ODR4: variants seen among roughly 807,000 people sequenced by gnomAD.
ODR4 encodes odr-4 GPCR localization factor homolog, also known as protein odr-4 homolog.
ODR4 carries 47 observed loss-of-function variants against 60.2 expected under a neutral mutation model. That is an observed-to-expected ratio of 0.78 (90% CI 0.62 to 1.00). The LOEUF is 1.00. Among genes scored for constraint, ODR4 ranks in the 50% least tolerant of loss-of-function variants. ODR4 has a pLI of 0.00. For synonymous variants in ODR4, 178 were observed against 175.5 expected (o/e 1.01, Z -0.11); for missense variants, 488 against 530.8 (o/e 0.92, Z 0.79).
chr1:186,398,023 A>G (rs1450138152), intron 9 of ODR4, among the ~76,000 whole-genome samples: 1 of 152,190 alleles, frequency 6.6e-6, no homozygotes, highest in Non-Finnish European at 1.5e-5. Context: ...CAAATAATAT[A>G]TTTTTAGGAG....
At chr1:186,430,859 T>C in the ODR4 span, among the ~76,000 whole-genome samples, 2 of 57,726 alleles carry the variant, frequency 3.5e-5, no homozygotes, top group Admixed American at 2.5e-4. Context: ...CCTCCCTCCC[T>C]TTTTTTTTTT....
At chr1:186,399,359 T>C in intron 11 of ODR4, 1 of 362,358 alleles carries the variant, frequency 2.8e-6, no homozygotes, top group East Asian at 6.9e-5. Context: ...GCACATGCCA[T>C]GATGCCTTGC....
chr1:186,378,314 C>G (rs1038598225), intron 1 of ODR4, among the ~76,000 whole-genome samples: 23 of 152,108 alleles, frequency 1.5e-4, no homozygotes, highest in Admixed American at 1.5e-3. Context: ...GATGATGATT[C>G]CTAAATTGCA....
intron 7 of ODR4, among the ~76,000 whole-genome samples, chr1:186,391,467 A>G (rs1043757998): frequency 2.0e-5 from 3 of 151,832 alleles, no homozygotes; most frequent in Non-Finnish European, 4.4e-5. Context: ...TCTGTGACAT[A>G]AATGTTATTC....
chr1:186,408,988 T>A (rs1321420149), intron 12 of ODR4, among the ~76,000 whole-genome samples: 1 of 149,252 alleles, frequency 6.7e-6, no homozygotes, highest in Admixed American at 6.9e-5. Flanking sequence ...TTCAGTTCTT[T>A]TTAAGTTAAT....
Position 186,399,018 on chromosome 1 carries a change from T to C in ODR4, c.974T>C (p.Leu325Pro), listed in dbSNP as rs1168377174. 1.9e-6 allele frequency: 3 copies of C among 1,612,470 alleles called. No homozygotes were observed. The African/African-American group carries it at 4.0e-5, about 22-fold the overall frequency. The change falls in exon 11 of 14, where the codon CTT (leucine) becomes CCT (proline). Residue 325 changes from leucine to proline, a missense_variant. Leu to Pro is a moderately conservative substitution (Grantham distance 98). Transcript: ENST00000287859. The part of the protein sequence containing the change: ...DRCEMLFEDL[L>P]LNEIPEKKDS... ...TGTGAAATGCTATTTGAGGATCTGC[T>C]TTTGAATGAAATTCCAGAAAAAAAA...
the ODR4 span, among the ~76,000 whole-genome samples, chr1:186,430,510 C>G: frequency 6.6e-6 from 1 of 152,070 alleles, no homozygotes; most frequent in Admixed American, 6.5e-5. Context: ...GTTGTAGAAA[C>G]ACCAGATGCC....
intron 12 of ODR4, among the ~76,000 whole-genome samples, chr1:186,409,798 C>T (rs1425416382): frequency 1.3e-5 from 2 of 152,146 alleles, no homozygotes; most frequent in Non-Finnish European, 2.9e-5. Context: ...CCTGCCTCAG[C>T]CTCCCAAAGT....
intron 7 of ODR4, 141 bp downstream of exon 7, chr1:186,390,992 CA>C: frequency 1.1e-6 from 1 of 889,234 alleles, no homozygotes; most frequent in Non-Finnish European, 1.6e-6. Flanking sequence ...CTTATTACCG[CA>C]GCCAAATTAG....
At chr1:186,405,498 C>T (rs1453106978) in intron 11 of ODR4, among the ~76,000 whole-genome samples, 2 of 152,002 alleles carry the variant, frequency 1.3e-5, no homozygotes, top group African/African-American at 2.4e-5. Flanking sequence ...GACAGTGGGT[C>T]GTATAAGAAT....
the ODR4 span, among the ~76,000 whole-genome samples, chr1:186,427,721 A>G: frequency 1.3e-5 from 2 of 152,242 alleles, no homozygotes; most frequent in African/African-American, 4.8e-5. Context: ...AGGAATCACT[A>G]TCTTTGGCAG....
intron 3 of ODR4, among the ~76,000 whole-genome samples, chr1:186,383,683 A>G (rs1255100061): frequency 1.3e-5 from 2 of 150,570 alleles, no homozygotes; most frequent in Admixed American, 6.6e-5. Flanking sequence ...ATGTAGATAT[A>G]TATATATATA....
intron 3 of ODR4, 40 bp from the exon 4 acceptor site, chr1:186,385,948 A>G (rs958899577): frequency 3.1e-6 from 4 of 1,308,634 alleles, no homozygotes; most frequent in African/African-American, 1.5e-5. Context: ...GATTGCATAT[A>G]ATGCCAATTT....
chr1:186,416,157 G>T (rs1281152016), intron 12 of ODR4, among the ~76,000 whole-genome samples: 1 of 152,072 alleles, frequency 6.6e-6, no homozygotes, highest in Non-Finnish European at 1.5e-5. Flanking sequence ...TGAGCCAGAG[G>T]CCCATGTACT....
Position 186,419,438 on chromosome 1 carries a change from T to C in ODR4, c.*362T>C. The C allele has an allele frequency of 4.3e-6, 1 of 234,624 alleles. No individual in the cohort carries two copies. Among genetic ancestry groups the C allele is most frequent in the Non-Finnish European group, 8.5e-6 (1 of 117,932 alleles). The allele number at this position is 234,624 out of a possible 1,614,324, so 14.5% of individuals were successfully genotyped here. Reference sequence around the variant, plus strand: ...ATTAAAAACTTTAACAGAGGCATGATGGCTCACACGTATAATCCTAATGCT... The same window carrying C: ...ATTAAAAACTTTAACAGAGGCATGACGGCTCACACGTATAATCCTAATGCT... On this transcript the variant is annotated 3_prime_UTR_variant, in exon 14 of 14. Transcript: ENST00000287859.
chr1:186,401,331 C>A, intron 11 of ODR4: 1 of 601,104 alleles, frequency 1.7e-6, no homozygotes, highest in Non-Finnish European at 2.8e-6. Context: ...AATTGGGTGG[C>A]CTTGGGACCT....
chr1:186,378,235 C>T (rs769963248), intron 1 of ODR4, among the ~76,000 whole-genome samples: 80 of 152,150 alleles, frequency 5.3e-4, no homozygotes, highest in Admixed American at 1.6e-3. Context: ...ATATACCACC[C>T]CAGCATATCT....
At chr1:186,389,883 G>T (rs1660394314) in intron 6 of ODR4, among the ~76,000 whole-genome samples, 1 of 152,198 alleles carries the variant, frequency 6.6e-6, no homozygotes, top group Non-Finnish European at 1.5e-5. Flanking sequence ...CACCTCTTGG[G>T]CTCGAGGGAT....
chr1:186,410,133 G>A (rs6665157), intron 12 of ODR4, among the ~76,000 whole-genome samples: 44,212 of 152,074 alleles, frequency 0.29, 6,846 homozygotes, highest in East Asian at 0.5. Flanking sequence ...TACTGAATAA[G>A]TGATTCTTAG....
Sources: gnomAD v4.1 joint callset for allele counts (sites outside exome capture counted in the v4.1 genomes callset) on GRCh38, gnomAD v4.1.1 for gene constraint, MANE v1.5 for transcripts, NCBI Gene and HGNC (gene_info 2026-07-23, HGNC 2026-07-21) for gene names.